Variants in KANSL1 observed in about 807,000 individuals in gnomAD.
KANSL1 encodes the protein KAT8 regulatory NSL complex subunit 1.
Under a neutral mutation model 103.6 loss-of-function variants are expected in KANSL1, and 22 were observed. That is an observed-to-expected ratio of 0.21 (90% confidence interval 0.15 to 0.30). The LOEUF (loss-of-function observed/expected upper bound fraction) is 0.30. Among genes scored for constraint, KANSL1 ranks in the 10% least tolerant of loss-of-function variants. The probability of loss-of-function intolerance (pLI) is 1.00; values close to 1 mark genes in which losing one functional copy is unlikely to be tolerated. For missense variants in KANSL1, 1,337 were observed against 1,399.8 expected, an observed-to-expected ratio of 0.96 and a Z score of 0.72; for synonymous variants, 600 against 527.6, an observed-to-expected ratio of 1.14 and a Z score of -1.88.
chr17:46,061,970 T>C (rs1392434171), intron 6 of KANSL1, among the ~76,000 whole-genome samples: 3 of 151,482 alleles, frequency 2.0e-5, no homozygotes, highest in African/African-American at 7.3e-5. Context: ...TGGGTGCCTG[T>C]GATCCCAGCT....
At chr17:46,032,358 G>C in intron 13 of KANSL1, 59 bp from the exon 14 acceptor site, 2 of 1,445,822 alleles carry the variant, frequency 1.4e-6, no homozygotes, top group Non-Finnish European at 1.8e-6. Flanking sequence ...TGGGGGTAGA[G>C]GGCATGAAAA....
chr17:46,116,820 A>C (rs1486077381), intron 2 of KANSL1, among the ~76,000 whole-genome samples: 2 of 152,152 alleles, frequency 1.3e-5, no homozygotes, highest in African/African-American at 4.8e-5. Flanking sequence ...TTTCCCTTTC[A>C]CAGCTTGTTG....
intron 1 of KANSL1, among the ~76,000 whole-genome samples, chr17:46,178,367 G>A (rs2046628689): frequency 6.6e-6 from 1 of 152,186 alleles, no homozygotes. Flanking sequence ...TAACAACCTG[G>A]GCAGTAGAAT....
At chr17:46,108,672 A>G (rs984921172) in intron 2 of KANSL1, among the ~76,000 whole-genome samples, 1 of 152,244 alleles carries the variant, frequency 6.6e-6, no homozygotes, top group African/African-American at 2.4e-5. Context: ...GGAAGCAGGA[A>G]GAGAGAGGGA....
At chr17:46,100,761 A>G (rs2042278474) in intron 2 of KANSL1, among the ~76,000 whole-genome samples, 1 of 152,244 alleles carries the variant, frequency 6.6e-6, no homozygotes, top group East Asian at 1.9e-4. Context: ...TTGTATGTCA[A>G]TCCAGTAGAA....
chr17:46,134,102 C>CAAACACATT (rs2044002795), intron 2 of KANSL1, among the ~76,000 whole-genome samples: 1 of 152,178 alleles, frequency 6.6e-6, no homozygotes, highest in South Asian at 2.1e-4. Flanking sequence ...AGCCCCATTA[C>CAAACACATT]AAACACATTA....
intron 2 of KANSL1, among the ~76,000 whole-genome samples, chr17:46,168,537 G>A (rs2046123093): frequency 6.6e-6 from 1 of 152,096 alleles, no homozygotes; most frequent in African/African-American, 2.4e-5. Context: ...AGTAGAGACG[G>A]GGTTTCTCCA....
rs192190124 is a variant in KANSL1, at chr17:46,106,099, C to A, written c.1290-11398G>T. Among the ~76,000 whole-genome samples the A allele has an allele frequency of 3.4e-3, 525 of 152,330 alleles. 4 individuals carry two copies. The highest frequency in any genetic ancestry group is 0.012 in the African/African-American group (500 of 41,570). On this transcript the variant is annotated intron_variant, in intron 2 of 14. Transcript: ENST00000432791. ...GAGAGAATTTTAATACTAAATCCAA[C>A]AGAAAAACATCTTCTTTCTCACTTT...
chr17:46,033,398 A>G lies in KANSL1; in HGVS notation c.2724+5T>C. On this transcript the variant is annotated splice_donor_5th_base_variant and intron_variant, in intron 12 of 14. Coordinates refer to ENST00000432791, the MANE Select transcript of KANSL1 (RefSeq NM_015443.4). Reference sequence around the variant, plus strand: ...GTTCTTCTAACAGAAGAACCAGGCCATTACCTCTTCATTCTCCTCATCAGG... The same window carrying G: ...GTTCTTCTAACAGAAGAACCAGGCCGTTACCTCTTCATTCTCCTCATCAGG... 2 of 1,613,930 alleles carry G rather than the reference A, an allele frequency of 1.2e-6. No homozygotes were observed. Among genetic ancestry groups the G allele is most frequent in the Non-Finnish European group, 1.7e-6 (2 of 1,179,828 alleles).
intron 1 of KANSL1, among the ~76,000 whole-genome samples, chr17:46,173,153 G>A (rs777582744): frequency 1.3e-5 from 2 of 152,164 alleles, no homozygotes; most frequent in South Asian, 4.1e-4. Context: ...TGATGTCCTT[G>A]TACTATCATC....
At chr17:46,190,798 T>A (rs1411138055) in intron 1 of KANSL1, among the ~76,000 whole-genome samples, 1 of 152,256 alleles carries the variant, frequency 6.6e-6, no homozygotes, top group African/African-American at 2.4e-5. Flanking sequence ...ATAAACCTAG[T>A]GGAAATCCAA....
In KANSL1 at chr17:46,143,456, T is replaced by C. The variant is rs184274732; in HGVS notation, c.1289+27399A>G. Among the ~76,000 whole-genome samples the C allele has an allele frequency of 3.3e-3, 497 of 152,010 alleles. 1 individual carries two copies. The highest frequency in any genetic ancestry group is 5.9e-3 in the Non-Finnish European group (398 of 67,994). On this transcript the variant is annotated intron_variant, in intron 2 of 14. Transcript: ENST00000432791. The stretch of plus-strand genomic sequence containing the variant: ...TTGCAGTGAGCTGAGATCACGCCAT[T>C]GTGCTCCAGCCTGGGCAACAAGAGC...
At chr17:46,216,304 A>C (rs1407290832) in intron 1 of KANSL1, among the ~76,000 whole-genome samples, 4 of 152,168 alleles carry the variant, frequency 2.6e-5, no homozygotes, top group Admixed American at 2.6e-4. Context: ...AAGAGGAAAA[A>C]AGTCTGCAAA....
At chr17:46,188,528 G>A (rs1191480579) in intron 1 of KANSL1, among the ~76,000 whole-genome samples, 1 of 152,224 alleles carries the variant, frequency 6.6e-6, no homozygotes, top group Non-Finnish European at 1.5e-5. Context: ...CATGATCCAA[G>A]TGTTCTTTGC....
chr17:46,080,037 G>C (rs1025927454), intron 4 of KANSL1, among the ~76,000 whole-genome samples: 3 of 151,402 alleles, frequency 2.0e-5, no homozygotes, highest in Non-Finnish European at 2.9e-5. Context: ...GAGAGAGAGA[G>C]AAAGAAAAAG....
chr17:46,179,011 A>G (rs1477438525), intron 1 of KANSL1, among the ~76,000 whole-genome samples: 2 of 152,224 alleles, frequency 1.3e-5, no homozygotes, highest in African/African-American at 4.8e-5. Flanking sequence ...TCTCAACCTA[A>G]CCACTAACTG....
At chr17:46,172,853 C>G (rs531461324) in intron 1 of KANSL1, among the ~76,000 whole-genome samples, 1 of 152,336 alleles carries the variant, frequency 6.6e-6, no homozygotes, top group African/African-American at 2.4e-5. Context: ...CTGGCTTCTT[C>G]CTCTCAGCCT....
At chr17:46,183,603 G>C (rs1325459652) in intron 1 of KANSL1, among the ~76,000 whole-genome samples, 3 of 151,504 alleles carry the variant, frequency 2.0e-5, no homozygotes, top group Non-Finnish European at 2.9e-5. Context: ...GGGGAGAGGG[G>C]AGAGGAGGTG....
intron 4 of KANSL1, among the ~76,000 whole-genome samples, chr17:46,077,578 G>A (rs910844786): frequency 6.6e-6 from 1 of 151,940 alleles, no homozygotes; most frequent in Admixed American, 6.6e-5. Flanking sequence ...TTATTTTTGA[G>A]ACGGAGTCTC....
Sources: gnomAD v4.1 joint callset for allele counts (sites outside exome capture counted in the v4.1 genomes callset) on GRCh38, gnomAD v4.1.1 for gene constraint, MANE v1.5 for transcripts, NCBI Gene and HGNC (gene_info 2026-07-23, HGNC 2026-07-21) for gene names.